The following ROBO3 variants were observed in gnomAD, a reference collection of about 807,000 sequenced individuals.
ROBO3 encodes roundabout guidance receptor 3, also known as roundabout homolog 3.
ROBO3 carries 97 observed loss-of-function variants against 160.5 expected under a neutral mutation model. The ratio of observed to expected loss-of-function variants is 0.60; its 90% CI spans 0.51 to 0.72. ROBO3 has a LOEUF of 0.72. ROBO3 is among the 30% of genes least tolerant of loss of function. The pLI, the probability that ROBO3 is intolerant of heterozygous loss-of-function variation, is 0.00. For synonymous variants in ROBO3, 780 were observed against 746.2 expected, an observed-to-expected ratio of 1.05 and a Z score of -0.74; for missense variants, 1,858 against 1,846.5, an observed-to-expected ratio of 1.01 and a Z score of -0.11.
Position 124,876,728 on chromosome 11 carries a change from A to G in ROBO3, c.2779+268A>G, listed in dbSNP as rs1287768838. Reference sequence around the variant, plus strand: ...GAGGCCAGGCTTTGCAACCATCTCCATAAAGAAGGGGCAAGTTCGAGGACG... The same window carrying G: ...GAGGCCAGGCTTTGCAACCATCTCCGTAAAGAAGGGGCAAGTTCGAGGACG... On this transcript the variant is annotated intron_variant, in intron 17 of 27. Coordinates refer to ENST00000397801, the MANE Select transcript of ROBO3 (RefSeq NM_022370.4). This position sits in a 1 kb window ranked among gnomAD's most constrained non-coding sequence, Gnocchi z 5.3. The G allele has an allele frequency of 3.2e-6, 1 of 310,636 alleles. No homozygotes were observed. The highest frequency in any genetic ancestry group is 4.5e-5 in the South Asian group (1 of 22,450). 19.2% of individuals were successfully genotyped at this position (310,636 alleles called of 1,614,324 possible).
intron 17 of ROBO3, 77 bp from the exon 18 acceptor site, chr11:124,877,083 CG>C: frequency 6.7e-7 from 1 of 1,495,406 alleles, no homozygotes. Context: ...GGGGCCTAGG[CG>C]TGGACAAGTA....
In ROBO3 at chr11:124,868,946, C is replaced by G. The variant is rs780541012; in HGVS notation, c.305C>G (p.Ala102Gly). ...RPNIEWYKNG[A>G]RVATVREDPR... ...AACATTGAGTGGTACAAGAACGGGGCGCGTGTGGCCACTGTGCGGGAGGAT... is the reference window on the plus strand; with the variant it reads ...AACATTGAGTGGTACAAGAACGGGGGGCGTGTGGCCACTGTGCGGGAGGAT... Residue 102 changes from alanine to glycine, a missense_variant, in exon 2 of 28, where the codon GCG (alanine) becomes GGG (glycine). Transcript: ENST00000397801. The G allele has an allele frequency of 2.5e-6, 4 of 1,605,874 alleles. No homozygotes were observed. The highest frequency in any genetic ancestry group is 3.4e-6 in the Non-Finnish European group (4 of 1,177,044).
chr11:124,872,868 G>C lies in ROBO3; in HGVS notation c.1331-16G>C. Reference sequence around the variant, plus strand: ...TAAGCTCCTCCCCTGAGGTGCACACGTTCTTCCTCTCTCAGCCTCTTTGGA... The same window carrying C: ...TAAGCTCCTCCCCTGAGGTGCACACCTTCTTCCTCTCTCAGCCTCTTTGGA... On this transcript the variant is annotated splice_polypyrimidine_tract_variant and intron_variant, in intron 8 of 27. Transcript: ENST00000397801. This position sits in a 1 kb window ranked among gnomAD's most constrained non-coding sequence, Gnocchi z 4.3. The C allele has an allele frequency of 3.2e-6, 5 of 1,576,634 alleles. No individual in the cohort carries two copies. The highest frequency in any genetic ancestry group is 3.4e-6 in the Non-Finnish European group (4 of 1,162,040).
rs763789964 is a variant in ROBO3 at position 124,872,963 on chromosome 11, G to A, written c.1410G>A (p.Leu470=). The part of the protein sequence containing the change: ...QTLVLGSSVW[L]PCRVTGNPQP... ...TGGTGCTTGGCTCCTCCGTGTGGCTGCCCTGCAGAGTGACTGGGAACCCTC... is the reference window on the plus strand; with the variant it reads ...TGGTGCTTGGCTCCTCCGTGTGGCTACCCTGCAGAGTGACTGGGAACCCTC... The change falls in exon 9 of 28, where the codon CTG becomes CTA. Residue 470 remains leucine (L), a synonymous_variant. Coordinates refer to ENST00000397801, the MANE Select transcript of ROBO3 (RefSeq NM_022370.4). The surrounding 1 kb of genome is among the most constrained non-coding windows in gnomAD (Gnocchi z 4.3). 4.3e-6 allele frequency: 7 copies of A among 1,613,282 alleles called. No individual in the cohort carries two copies. The highest frequency in any genetic ancestry group is 1.8e-4 in the Middle Eastern group (1 of 5,638).
chr11:124,870,943 CTCCTGT>C (rs556204725), intron 6 of ROBO3, 65 bp from the exon 7 acceptor site: 174 of 1,572,890 alleles, frequency 1.1e-4, no homozygotes, highest in Admixed American at 2.4e-4. Context: ...GAGCTTCTCT[CTCCTGT>C]TCCTGCAGTC....
At position 124,876,063 on chromosome 11, in the gene ROBO3, T is replaced by C. The variant is rs762643086; in HGVS notation, c.2531T>C (p.Leu844Pro). The change falls in exon 16 of 28, where the codon CTG (leucine) becomes CCG (proline). Residue 844 changes from leucine (L) to proline (P), a missense_variant. Physicochemically the swap from Leu to Pro is moderately conservative, Grantham distance 98 (BLOSUM62 -3). Transcript: ENST00000397801. The surrounding 1 kb of genome is among the most constrained non-coding windows in gnomAD (Gnocchi z 5.3). ...GTGCCCGGTCTCCTCTATCGAACCC[T>C]GGTCGCGGCGGCCACCAGCGCAGGC... ...GLVPGLLYRT[L>P]VAAATSAGVG... The C allele has an allele frequency of 1.2e-6, 2 of 1,609,846 alleles. No homozygotes were observed. The highest frequency in any genetic ancestry group is 3.3e-5 in the Admixed American group (2 of 59,746).
In ROBO3 at chr11:124,869,032, G is replaced by A. The variant is rs777244046; in HGVS notation, c.391G>A (p.Gly131Arg). 1 of 1,602,222 alleles carries A rather than the reference G, an allele frequency of 6.2e-7. No homozygotes were observed. Among genetic ancestry groups the A allele is most frequent in the Non-Finnish European group, 8.5e-7 (1 of 1,175,056 alleles). Residue 131 changes from glycine (G) to arginine (R), a missense_variant, in exon 2 of 28, where the codon GGG becomes AGG. By Grantham distance (125) the Gly-to-Arg change is moderately radical. Transcript: ENST00000397801. This position sits in a 1 kb window ranked among gnomAD's most constrained non-coding sequence, Gnocchi z 4.2. ...CCTCTTCTTCCCGCGCATCGTGCACGGGCGCCGCGCGCGGCCGGACGAAGG... is the reference window on the plus strand; with the variant it reads ...CCTCTTCTTCCCGCGCATCGTGCACAGGCGCCGCGCGCGGCCGGACGAAGG... The part of the protein sequence containing the change: ...GALFFPRIVH[G>R]RRARPDEGVY...
In ROBO3 at chr11:124,879,263, G is replaced by A. The variant is rs1300010134; in HGVS notation, c.3607G>A (p.Ala1203Thr). 1.9e-6 allele frequency: 3 copies of A among 1,577,980 alleles called. No homozygotes were observed. The highest frequency in any genetic ancestry group is 2.6e-6 in the Non-Finnish European group (3 of 1,162,242). The change falls in exon 24 of 28, where the codon GCT becomes ACT. Residue 1203 changes from alanine to threonine, a missense_variant. Coordinates refer to ENST00000397801, the MANE Select transcript of ROBO3 (RefSeq NM_022370.4). ...GCTGGGCATCCGTGAAGCGAGGCCT[G>A]CTGGCTTGGGTGCTGGCCCTGCAGC... ...PMLGIREARPAGLGAGPAASP... is the reference protein window; with the variant it reads ...PMLGIREARPTGLGAGPAASP...
rs1946247559 is a variant in ROBO3, at chr11:124,869,381, T to G, written c.488-69T>G. ...ATCAACCCCTTCCCAAGACAACACT[T>G]TCCCTGTGTCCTCAGCCAGTTATGT... is the stretch of plus-strand genomic sequence containing the variant. On this transcript the variant is annotated intron_variant, in intron 2 of 27. Coordinates refer to ENST00000397801, the MANE Select transcript of ROBO3 (RefSeq NM_022370.4). The surrounding 1 kb of genome is among the most constrained non-coding windows in gnomAD (Gnocchi z 4.2). 7.2e-7 allele frequency: 1 copy of G among 1,389,938 alleles called. No homozygotes were observed. The allele number at this position is 1,389,938 out of a possible 1,614,324, so 86.1% of individuals were successfully genotyped here.
rs1396050094 is a variant in ROBO3, at chr11:124,878,102, C to A, written c.3152C>A (p.Ala1051Asp). 4.3e-6 allele frequency: 7 copies of A among 1,610,568 alleles called. No individual in the cohort carries two copies. Among genetic ancestry groups the A allele is most frequent in the Non-Finnish European group, 5.9e-6 (7 of 1,178,880 alleles). The change falls in exon 21 of 28, where the codon GCT becomes GAT. Residue 1051 changes from alanine to aspartate, a missense_variant. Ala to Asp is a moderately radical substitution (Grantham distance 126). Coordinates refer to ENST00000397801, the MANE Select transcript of ROBO3 (RefSeq NM_022370.4). The surrounding 1 kb of genome is among the most constrained non-coding windows in gnomAD (Gnocchi z 4.3). ...GATCTGGGTCCCTGGAGCCAGTACG[C>A]TCCTCCAGAGTGGAGCCAGGGGGAC... ...SGDLGPWSQY[A>D]PPEWSQGDSG...
At chr11:124,867,976 G>A (rs1021192415) in intron 1 of ROBO3, among the ~76,000 whole-genome samples, 1 of 152,214 alleles carries the variant, frequency 6.6e-6, no homozygotes, top group East Asian at 1.9e-4. Context: ...GCTGCAGAAG[G>A]TGAAACAGGC....
Position 124,878,918 on chromosome 11 carries a change from G to C in ROBO3, c.3533+122G>C, listed in dbSNP as rs1186089367. 1 of 904,358 alleles carries C rather than the reference G, an allele frequency of 1.1e-6. No individual in the cohort carries two copies. The highest frequency in any genetic ancestry group is 1.7e-6 in the Non-Finnish European group (1 of 594,178). The allele number at this position is 904,358 out of a possible 1,614,324, so 56.0% of individuals were successfully genotyped here. A position where few individuals can be genotyped will look rare whatever the true frequency, so the allele number is the denominator to read the frequency against. On this transcript the variant is annotated intron_variant, in intron 23 of 27. Coordinates refer to ENST00000397801, the MANE Select transcript of ROBO3 (RefSeq NM_022370.4). The surrounding 1 kb of genome is among the most constrained non-coding windows in gnomAD (Gnocchi z 4.3). ...TCTGGGGTACAGAGGTCTCAGGGCT[G>C]TGTCAGGGTGGAAGTGTAATTTGGG...
In ROBO3 at chr11:124,875,328, C is replaced by T. The variant is rs752352668; in HGVS notation, c.2291C>T (p.Pro764Leu). ...AESLSVTRSI[P>L]EEAPSGPPQG... The stretch of plus-strand genomic sequence containing the variant: ...AGCCTCTCTGTGACCAGGAGCATTC[C>T]TGAGGAGGGTAAGGAGGGCCACCGA... The change falls in exon 14 of 28, where the codon CCT becomes CTT. Residue 764 changes from proline (P) to leucine (L), a missense_variant. Coordinates refer to ENST00000397801, the MANE Select transcript of ROBO3 (RefSeq NM_022370.4). 1.9e-6 allele frequency: 3 copies of T among 1,601,856 alleles called. No individual in the cohort carries two copies. In the South Asian group the frequency reaches 3.3e-5, roughly 18 times the overall value.
At chr11:124,868,700 C>T (rs550530202) in intron 1 of ROBO3, 102 bp from the exon 2 acceptor site, 29 of 1,190,324 alleles carry the variant, frequency 2.4e-5, no homozygotes, top group African/African-American at 2.4e-4. Context: ...CGCAGAGAAG[C>T]ATAGGAGATG....
intron 27 of ROBO3, 43 bp downstream of exon 27, chr11:124,880,651 G>A (rs1185764663): frequency 6.7e-7 from 1 of 1,481,826 alleles, no homozygotes. Context: ...AGAGGACTAG[G>A]GAAGGGTGGA....
In ROBO3 at chr11:124,875,313, TGACCAG is replaced by T. The variant is rs763709045; in HGVS notation, c.2279_2284del (p.Thr760_Arg761del). Reference sequence around the variant, plus strand: ...GGGCTGGGGGCTGAAAGCCTCTCTGTGACCAGGAGCATTCCTGAGGAGGGTAAGGAG... The same window carrying T: ...GGGCTGGGGGCTGAAAGCCTCTCTGTGAGCATTCCTGAGGAGGGTAAGGAG... On this transcript the variant is annotated inframe_deletion, in exon 14 of 28. Coordinates refer to ENST00000397801, the MANE Select transcript of ROBO3 (RefSeq NM_022370.4). 4 of 1,602,560 alleles carry T rather than the reference TGACCAG, an allele frequency of 2.5e-6. No individual in the cohort carries two copies. In the East Asian group the frequency reaches 9.0e-5, roughly 36 times the overall value.
intron 12 of ROBO3, 58 bp from the exon 13 acceptor site, chr11:124,874,730 C>G: frequency 6.4e-7 from 1 of 1,555,616 alleles, no homozygotes; most frequent in Non-Finnish European, 8.7e-7. Context: ...CGAGCACACT[C>G]TCAGCCCTAT....
Position 124,880,491 on chromosome 11 carries a change from C to A in ROBO3, c.4032C>A (p.Ala1344=), listed in dbSNP as rs575678218. ...RGQGTSTCST[A]GSNSSRGSSS... ...AGGGCACCAGCACATGTTCCACGGC[C>A]GGCAGCAACTCTTCCAGGGGCTCCA... The change falls in exon 27 of 28, where the codon GCC becomes GCA. Residue 1344 remains alanine (A), a synonymous_variant. Coordinates refer to ENST00000397801, the MANE Select transcript of ROBO3 (RefSeq NM_022370.4). 5 of 1,603,746 alleles carry A rather than the reference C, an allele frequency of 3.1e-6. No homozygotes were observed. Among genetic ancestry groups the A allele is most frequent in the Non-Finnish European group, 4.3e-6 (5 of 1,175,006 alleles).
chr11:124,877,312 A>G lies in ROBO3; in HGVS notation c.2846+3A>G. On this transcript the variant is annotated splice_donor_region_variant and intron_variant, in intron 19 of 27. Coordinates refer to ENST00000397801, the MANE Select transcript of ROBO3 (RefSeq NM_022370.4). ...GGCCTCTCTGGAGCCAGTTCCAGGT[A>G]ATTCTCTTAGCCCATTTCCTCAGGA... The G allele has an allele frequency of 6.2e-7, 1 of 1,613,628 alleles. No individual in the cohort carries two copies. Among genetic ancestry groups the G allele is most frequent in the East Asian group, 2.2e-5 (1 of 44,862 alleles).
Sources: allele counts gnomAD v4.1 joint callset (sites outside exome capture counted in the v4.1 genomes callset), GRCh38; gene constraint gnomAD v4.1.1; non-coding constraint Gnocchi (gnomAD v3.1); transcripts MANE v1.5; gene names NCBI Gene and HGNC (gene_info 2026-07-23, HGNC 2026-07-21).